The following TAB1 variants were observed in gnomAD, a reference collection of about 807,000 sequenced individuals.
TAB1 encodes TGF-beta-activated kinase 1 and MAP3K7-binding protein 1.
In TAB1, 30 loss-of-function variants were observed where a neutral mutation model predicts 54.5. The observed-to-expected ratio is 0.55, with a 90% CI of 0.41 to 0.75. The LOEUF (loss-of-function observed/expected upper bound fraction) is 0.75, where lower values mean the gene tolerates loss of function less well. Among genes scored for constraint, TAB1 ranks in the 30% least tolerant of loss-of-function variants. The pLI is 0.00. For synonymous variants in TAB1, 289 were observed against 286.9 expected (o/e 1.01, Z -0.07); for missense variants, 609 against 683.2 (o/e 0.89, Z 1.21).
rs202039436 is a variant in TAB1, at chr22:39,430,051, G to A, written c.1344G>A (p.Thr448=). Residue 448 remains threonine (T), a synonymous_variant, in exon 11 of 11, where the codon ACG becomes ACA. Coordinates refer to ENST00000216160, the MANE Select transcript of TAB1 (RefSeq NM_006116.3). ...CCTTAACCCTGCAGTCCACCAACAC[G>A]CACACGCAGAGCAGCAGCTCCAGCT... ...SPTLTLQSTN[T]HTQSSSSSSD... 19 of 1,613,920 alleles carry A rather than the reference G, an allele frequency of 1.2e-5. No homozygotes were observed. Among genetic ancestry groups the A allele is most frequent in the African/African-American group, 2.7e-5 (2 of 75,040 alleles).
At chr22:39,436,547 C>G (rs564204217), downstream of TAB1, 1 of 1,614,114 alleles carries the variant, frequency 6.2e-7, no homozygotes, top group South Asian at 1.1e-5. Context: ...AACTAAACCT[C>G]CTGGGCAGCC....
chr22:39,416,503 G>T (rs1926840162), intron 3 of TAB1, among the ~76,000 whole-genome samples: 1 of 152,264 alleles, frequency 6.6e-6, no homozygotes, highest in Admixed American at 6.5e-5. Flanking sequence ...CCAAGCCTTT[G>T]CTCTTAGCTT....
At chr22:39,420,703 C>G (rs1255116954) in intron 7 of TAB1, among the ~76,000 whole-genome samples, 1 of 152,200 alleles carries the variant, frequency 6.6e-6, no homozygotes, top group East Asian at 1.9e-4. Context: ...CGCTGCCTCC[C>G]CAGAGGCTGC....
chr22:39,420,380 T>TA (rs1278115102), intron 7 of TAB1, among the ~76,000 whole-genome samples: 1 of 152,186 alleles, frequency 6.6e-6, no homozygotes, highest in Non-Finnish European at 1.5e-5. Flanking sequence ...AACCGTCAGG[T>TA]AACCTGTATG....
At chr22:39,432,182 G>C (rs1488057283), downstream of TAB1, among the ~76,000 whole-genome samples, 1 of 152,242 alleles carries the variant, frequency 6.6e-6, no homozygotes, top group Admixed American at 6.5e-5. Flanking sequence ...GCCAGTGGCA[G>C]GGTTGTGGTG....
At chr22:39,436,319 C>G (rs1927782499), downstream of TAB1, among the ~76,000 whole-genome samples, 1 of 152,110 alleles carries the variant, frequency 6.6e-6, no homozygotes. Context: ...AAAAGGAGTT[C>G]TAACTACGTT....
intron 1 of TAB1, among the ~76,000 whole-genome samples, chr22:39,403,329 G>A (rs1444330114): frequency 6.6e-6 from 1 of 152,230 alleles, no homozygotes; most frequent in African/African-American, 2.4e-5. Flanking sequence ...TTTTGGACAG[G>A]GTGGTAAGGG....
In TAB1 at chr22:39,417,770, G is replaced by A. The variant is rs764950522; in HGVS notation, c.471G>A (p.Thr157=). 49 of 1,613,404 alleles carry A rather than the reference G, an allele frequency of 3.0e-5. No individual in the cohort carries two copies. The highest frequency in any genetic ancestry group is 3.0e-4 in the South Asian group (27 of 90,906). Residue 157 remains threonine, a synonymous_variant, in exon 5 of 11, where the codon ACG becomes ACA. Transcript: ENST00000216160. ...QYQKILERLK[T]LEREISGGAM... ...AGAAGATCCTTGAGAGACTCAAGAC[G>A]TTAGAGAGGGAAATTTCGGGAGGGG...
downstream of TAB1, chr22:39,432,645 A>G (rs1328963130): frequency 2.6e-6 from 1 of 382,344 alleles, no homozygotes; most frequent in African/African-American, 2.2e-5. Context: ...CTGCCACCCG[A>G]GAGAGAGAGA....
At position 39,419,012 on chromosome 22, in the gene TAB1, G is replaced by GAACTTA. The variant is rs150236135; in HGVS notation, c.664+169_664+174dup. Among the ~76,000 whole-genome samples the GAACTTA allele has an allele frequency of 1.7e-3, 261 of 152,306 alleles. 6 individuals carry two copies. The East Asian group carries it at 0.043, about 25-fold the overall frequency. Reference sequence around the variant, plus strand: ...ACTGCCGCTTACTGGTTGGTGATTGGAACTTAAGTTTTCTGTGCCTCAGAT... The same window carrying GAACTTA: ...ACTGCCGCTTACTGGTTGGTGATTGGAACTTAAACTTAAGTTTTCTGTGCCTCAGAT... On this transcript the variant is annotated intron_variant, in intron 6 of 10. Transcript: ENST00000216160.
Position 39,415,704 on chromosome 22 carries a change from C to A in TAB1, c.324+51C>A. 6.3e-7 allele frequency: 1 copy of A among 1,581,318 alleles called. No individual in the cohort carries two copies. The highest frequency in any genetic ancestry group is 1.1e-5 in the South Asian group (1 of 89,100). ...CCCAGCCACATCATGTCCCCCACCC[C>A]AAGGCTTGGGCCCTGCACCTCTAGC... On this transcript the variant is annotated intron_variant, in intron 3 of 10. Coordinates refer to ENST00000216160, the MANE Select transcript of TAB1 (RefSeq NM_006116.3). This position sits in a 1 kb window ranked among gnomAD's most constrained non-coding sequence, Gnocchi z 4.9.
chr22:39,433,432 G>A (rs954029018), downstream of TAB1: 18 of 975,720 alleles, frequency 1.8e-5, no homozygotes, highest in African/African-American at 7.2e-5. Flanking sequence ...GAGCCTGGGC[G>A]ACAGAGCGAG....
intron 1 of TAB1, among the ~76,000 whole-genome samples, chr22:39,413,160 T>C (rs1052419661): frequency 1.3e-5 from 2 of 152,040 alleles, no homozygotes; most frequent in Admixed American, 6.6e-5. Flanking sequence ...ATGATCCACC[T>C]GCCTCAGCCT....
At chr22:39,427,967 C>CCCTG in intron 9 of TAB1, 54 bp from the exon 10 acceptor site, 1 of 1,510,436 alleles carries the variant, frequency 6.6e-7, no homozygotes, top group Admixed American at 1.8e-5. Flanking sequence ...GCCCCTGCTA[C>CCCTG]CCTGGGTTTC....
intron 1 of TAB1, among the ~76,000 whole-genome samples, chr22:39,405,876 C>G (rs114625676): frequency 7.7e-4 from 118 of 152,296 alleles, no homozygotes; most frequent in African/African-American, 2.7e-3. Flanking sequence ...CTTGGTAGAA[C>G]CTCCTGAGGT....
At chr22:39,433,455 G>A (rs201043124), downstream of TAB1, 177 of 877,072 alleles carry the variant, frequency 2.0e-4, no homozygotes, top group Non-Finnish European at 2.2e-4. Context: ...CCTGTCTCAA[G>A]AAAAAAAAAA....
At chr22:39,402,222 G>T (rs1037947462) in intron 1 of TAB1, among the ~76,000 whole-genome samples, 2 of 152,178 alleles carry the variant, frequency 1.3e-5, no homozygotes, top group Non-Finnish European at 2.9e-5. Flanking sequence ...TCGCCATGTT[G>T]CCCAGGCTGG....
In TAB1 at chr22:39,431,488, C is replaced by T; in HGVS notation, c.*1266C>T. 2 of 985,808 alleles carry T rather than the reference C, an allele frequency of 2.0e-6. No homozygotes were observed. The highest frequency in any genetic ancestry group is 2.4e-6 in the Non-Finnish European group (2 of 830,176). The allele number at this position is 985,808 out of a possible 1,614,324, so 61.1% of individuals were successfully genotyped here. A position where few individuals can be genotyped will look rare whatever the true frequency, so the allele number is the denominator to read the frequency against. ...CCCAGTCTCCCTGCCCCCCATGCCC[C>T]AGACCGGCCCACCAGGGACTAGCCG... On this transcript the variant is annotated 3_prime_UTR_variant, in exon 11 of 11. Coordinates refer to ENST00000216160, the MANE Select transcript of TAB1 (RefSeq NM_006116.3).
Position 39,431,485 on chromosome 22 carries a change from C to G in TAB1, c.*1263C>G. 1.0e-5 allele frequency: 10 copies of G among 985,798 alleles called. No homozygotes were observed. Among genetic ancestry groups the G allele is most frequent in the Non-Finnish European group, 1.2e-5 (10 of 830,180 alleles). 61.1% of individuals were successfully genotyped at this position (985,798 alleles called of 1,614,324 possible). A position where few individuals can be genotyped will look rare whatever the true frequency, so the allele number is the denominator to read the frequency against. On this transcript the variant is annotated 3_prime_UTR_variant, in exon 11 of 11. Transcript: ENST00000216160. ...TCTCCCAGTCTCCCTGCCCCCCATG[C>G]CCCAGACCGGCCCACCAGGGACTAG...
Sources: gnomAD v4.1 joint callset for allele counts (sites outside exome capture counted in the v4.1 genomes callset) on GRCh38, gnomAD v4.1.1 for gene constraint, Gnocchi (gnomAD v3.1) non-coding constraint, MANE v1.5 for transcripts, NCBI Gene and HGNC (gene_info 2026-07-23, HGNC 2026-07-21) for gene names.